MAP3K15: variants seen among roughly 807,000 people sequenced by gnomAD.
MAP3K15 encodes mitogen-activated protein kinase kinase kinase 15.
MAP3K15 carries 124 observed loss-of-function variants against 99.5 expected under a neutral mutation model. The observed-to-expected ratio is 1.25, with a 90% CI of 1.08 to 1.45. The LOEUF is 1.45. MAP3K15 is among the 40% of genes most tolerant of loss of function. MAP3K15 has a pLI of 0.00. For synonymous variants in MAP3K15, 494 were observed against 439.6 expected (o/e 1.12, Z -1.55); for missense variants, 1,242 against 1,079.7 (o/e 1.15, Z -2.11).
intron 3 of MAP3K15, among the ~76,000 whole-genome samples, chrX:19,479,663 T>C (rs1472051854): frequency 8.9e-6 from 1 of 112,402 alleles, no homozygotes; most frequent in Non-Finnish European, 1.9e-5. Flanking sequence ...AGTGGCAAAG[T>C]ACTAGGAAGT....
chrX:19,362,728 A>G lies in MAP3K15; in HGVS notation c.3679+10T>C. On this transcript the variant is annotated intron_variant, in intron 26 of 28. Transcript: ENST00000338883. The stretch of plus-strand genomic sequence containing the variant: ...GATGTTAAAGTCTGTCTCATTGGAA[A>G]ATGACTTACAATTCGATTTTAATTT... The G allele has an allele frequency of 9.9e-7, 1 of 1,007,497 alleles. No individual in the cohort carries two copies. Among genetic ancestry groups the G allele is most frequent in the Non-Finnish European group, 1.4e-6 (1 of 717,785 alleles). The allele number at this position is 1,007,497 out of a possible 1,213,427, so 83.0% of individuals were successfully genotyped here.
At chrX:19,508,364 G>T (rs2064494060) in intron 1 of MAP3K15, among the ~76,000 whole-genome samples, 1 of 110,889 alleles carries the variant, frequency 9.0e-6, no homozygotes, top group African/African-American at 3.3e-5. Context: ...TAGAACCAGG[G>T]TTTCGCCATG....
chrX:19,409,799 T>C, intron 12 of MAP3K15, 125 bp downstream of exon 12: 1 of 530,124 alleles, frequency 1.9e-6, no homozygotes. Flanking sequence ...TAATAGAGAG[T>C]CCACTTTGGA....
At chrX:19,412,688 T>C (rs1314946500) in intron 11 of MAP3K15, among the ~76,000 whole-genome samples, 2 of 111,184 alleles carry the variant, frequency 1.8e-5, no homozygotes, top group Non-Finnish European at 3.8e-5. Context: ...GATCCAGTAA[T>C]AGTTGAGGAA....
intron 9 of MAP3K15, among the ~76,000 whole-genome samples, chrX:19,421,661 T>C (rs1348878060): frequency 8.7e-5 from 8 of 92,051 alleles, no homozygotes; most frequent in Non-Finnish European, 1.6e-4. Flanking sequence ...ACTTTCTTCA[T>C]GGAATTGGAA....
chrX:19,455,280 G>C (rs182598727), intron 6 of MAP3K15, among the ~76,000 whole-genome samples: 6 of 109,977 alleles, frequency 5.5e-5, no homozygotes. Context: ...ATTCATCTCA[G>C]GATCACCTCA....
intron 6 of MAP3K15, among the ~76,000 whole-genome samples, chrX:19,432,600 G>A (rs1258095231): frequency 1.8e-5 from 2 of 109,517 alleles, no homozygotes; most frequent in Admixed American, 9.8e-5. Flanking sequence ...AGACAATTGG[G>A]AAAATTTGAG....
In MAP3K15 at chrX:19,513,512, G is replaced by T. The variant is rs922545471; in HGVS notation, c.361+1389C>A. Among the ~76,000 whole-genome samples, 4 of 111,596 alleles carry T rather than the reference G, an allele frequency of 3.6e-5. No homozygotes were observed. The East Asian group carries it at 1.1e-3, about 32-fold the overall frequency. On this transcript the variant is annotated intron_variant, in intron 1 of 28. Transcript: ENST00000338883. ...CAGTGTGGTCAGAAATGTCAGGAGA[G>T]TGCTTTCAATGGGTCCAGCTGCCAC... is the stretch of plus-strand genomic sequence containing the variant.
At chrX:19,437,786 T>C (rs1156702869) in intron 6 of MAP3K15, among the ~76,000 whole-genome samples, 1 of 111,964 alleles carries the variant, frequency 8.9e-6, no homozygotes, top group African/African-American at 3.2e-5. Flanking sequence ...AAGTAGGTGA[T>C]CAATAAGTGT....
chrX:19,499,560 T>C (rs2064428142), intron 1 of MAP3K15, among the ~76,000 whole-genome samples: 1 of 112,602 alleles, frequency 8.9e-6, no homozygotes, highest in South Asian at 3.6e-4. Context: ...AATAGGAGAA[T>C]GCCTAAACTA....
At chrX:19,446,969 G>A (rs903143543) in intron 6 of MAP3K15, among the ~76,000 whole-genome samples, 9 of 111,197 alleles carry the variant, frequency 8.1e-5, no homozygotes, top group African/African-American at 1.6e-4. Flanking sequence ...AGGCTGGAAC[G>A]CAGTGGTACA....
chrX:19,465,584 TAA>T (rs1355164035), intron 3 of MAP3K15, among the ~76,000 whole-genome samples: 317 of 82,737 alleles, frequency 3.8e-3, no homozygotes, highest in Middle Eastern at 0.012. Flanking sequence ...CATCTCTACT[TAA>T]AAAAAAAAAA....
At chrX:19,407,785 T>C (rs2063658185) in intron 12 of MAP3K15, among the ~76,000 whole-genome samples, 1 of 112,366 alleles carries the variant, frequency 8.9e-6, no homozygotes, top group South Asian at 3.7e-4. Flanking sequence ...CCAGGGTCTG[T>C]ACCTGATTCT....
Position 19,369,123 on chromosome X carries a change from C to G in MAP3K15, c.3497G>C (p.Gly1166Ala). Residue 1166 changes from glycine to alanine, a missense_variant, in exon 25 of 29, where the codon GGC becomes GCC. By Grantham distance (60) the Gly-to-Ala change is moderately conservative. Coordinates refer to ENST00000338883, the MANE Select transcript of MAP3K15 (RefSeq NM_001001671.4). The part of the protein sequence containing the change: ...EEGYPPATGP[G>A]QEAQPHQQHL... ...CTGCTGGTGGGGCTGGGCCTCCTGG[C>G]CAGGTCCGGTGGCTGGGGGATAGCC... The G allele has an allele frequency of 8.3e-7, 1 of 1,210,879 alleles. No homozygotes were observed. Among genetic ancestry groups the G allele is most frequent in the East Asian group, 3.0e-5 (1 of 33,773 alleles).
At chrX:19,459,948 G>A (rs375699571) in intron 5 of MAP3K15, 37 bp downstream of exon 5, 17 of 1,066,070 alleles carry the variant, frequency 1.6e-5, no homozygotes, top group South Asian at 1.5e-4. Flanking sequence ...AAGGAAGAAC[G>A]TAGCATACGT....
In MAP3K15 at chrX:19,472,226, A is replaced by AAATAAT. The variant is rs202068828; in HGVS notation, c.526-7826_526-7821dup. On this transcript the variant is annotated intron_variant, in intron 3 of 28. Coordinates refer to ENST00000338883, the MANE Select transcript of MAP3K15 (RefSeq NM_001001671.4). ...GCCATAGAGCGAGACTCTGTCTCAA[A>AAATAAT]AATAATAATAATAATAATAATAATA... Among the ~76,000 whole-genome samples, 657 of 97,433 alleles carry AAATAAT rather than the reference A, an allele frequency of 6.7e-3. 1 individual carries two copies. The highest frequency in any genetic ancestry group is 0.021 in the African/African-American group (567 of 26,477). 84.6% of individuals were successfully genotyped at this position (97,433 alleles called of 115,157 possible).
intron 6 of MAP3K15, among the ~76,000 whole-genome samples, chrX:19,456,094 T>A (rs2064090889): frequency 9.0e-6 from 1 of 110,584 alleles, no homozygotes; most frequent in East Asian, 2.8e-4. Context: ...CAAAAAGGAA[T>A]CAGAATCCTA....
At chrX:19,505,970 T>A (rs2064473817) in intron 1 of MAP3K15, among the ~76,000 whole-genome samples, 1 of 110,713 alleles carries the variant, frequency 9.0e-6, no homozygotes, top group East Asian at 2.8e-4. Flanking sequence ...TTCACTCTCG[T>A]TGCTCAGGCT....
rs201314812 is a variant in MAP3K15 at position 19,362,769 on chromosome X, C to T, written c.3648G>A (p.Leu1216=). The change falls in exon 26 of 29, where the codon TTG becomes TTA. Residue 1216 remains leucine, a synonymous_variant. Transcript: ENST00000338883. ...ATTTTAATTTTAACTGAAGGTGATA[C>T]AATTCTTGAGTTTTCTGTTCTAGAG... ...RQTLEQKTQE[L]YHLQLKLKSN... The T allele has an allele frequency of 1.7e-6, 2 of 1,182,090 alleles. No individual in the cohort carries two copies.
Sources: gnomAD v4.1 joint callset for allele counts (sites outside exome capture counted in the v4.1 genomes callset) on GRCh38, gnomAD v4.1.1 for gene constraint, MANE v1.5 for transcripts, NCBI Gene and HGNC (gene_info 2026-07-23, HGNC 2026-07-21) for gene names.